Variants in ENTREP2 observed in about 807,000 individuals in gnomAD.
ENTREP2 encodes endosomal transmembrane epsin interactor 2.
the ENTREP2 span, chr15:29,269,878 G>A: frequency 1.7e-6 from 1 of 604,616 alleles, no homozygotes; most frequent in Non-Finnish European, 2.6e-6. Context: ...CGGTGCGCCT[G>A]CGCGGCTGCG....
the ENTREP2 span, among the ~76,000 whole-genome samples, chr15:29,209,646 G>A: frequency 6.6e-6 from 1 of 152,174 alleles, no homozygotes; most frequent in African/African-American, 2.4e-5. Flanking sequence ...AGGGATGGTG[G>A]AAGCAAAAGA....
the ENTREP2 span, among the ~76,000 whole-genome samples, chr15:29,341,843 A>C: frequency 6.6e-6 from 1 of 152,180 alleles, no homozygotes; most frequent in East Asian, 1.9e-4. Flanking sequence ...GTGGCGCTGG[A>C]CTACAGGATA....
At chr15:29,658,435 A>C in the ENTREP2 span, among the ~76,000 whole-genome samples, 15 of 152,202 alleles carry the variant, frequency 9.9e-5, no homozygotes, top group Non-Finnish European at 2.1e-4. Context: ...TAATTGACGA[A>C]TACAACTGGG....
the ENTREP2 span, among the ~76,000 whole-genome samples, chr15:29,535,073 C>T: frequency 6.6e-6 from 1 of 151,484 alleles, no homozygotes; most frequent in African/African-American, 2.4e-5. Flanking sequence ...AGGGAGACCT[C>T]GTCTCTATAA....
chr15:29,491,480 C>G, the ENTREP2 span, among the ~76,000 whole-genome samples: 8 of 152,294 alleles, frequency 5.3e-5, no homozygotes, highest in East Asian at 1.5e-3. Context: ...AACAAACCAT[C>G]AATTCTTTTG....
At chr15:29,563,878 T>C in the ENTREP2 span, among the ~76,000 whole-genome samples, 1 of 136,156 alleles carries the variant, frequency 7.3e-6, no homozygotes, top group Non-Finnish European at 1.6e-5. Flanking sequence ...TAAAATAAAG[T>C]TTCTGATTCA....
chr15:29,621,505 AGAGT>A, the ENTREP2 span, among the ~76,000 whole-genome samples: 2 of 129,732 alleles, frequency 1.5e-5, no homozygotes, highest in South Asian at 3.0e-4. Context: ...CCTGGGTGAC[AGAGT>A]GAGACTCTGT....
At chr15:29,227,401 G>T in the ENTREP2 span, among the ~76,000 whole-genome samples, 1 of 152,158 alleles carries the variant, frequency 6.6e-6, no homozygotes, top group Non-Finnish European at 1.5e-5. Flanking sequence ...TCTTAAAGGC[G>T]CCTGGAGTTT....
At chr15:29,139,312 CGT>C in the ENTREP2 span, among the ~76,000 whole-genome samples, 1 of 152,198 alleles carries the variant, frequency 6.6e-6, no homozygotes, top group Non-Finnish European at 1.5e-5. Context: ...CCCACGGCTG[CGT>C]GTGTTTAATT....
chr15:29,302,434 C>G, the ENTREP2 span, among the ~76,000 whole-genome samples: 1 of 152,158 alleles, frequency 6.6e-6, no homozygotes, highest in African/African-American at 2.4e-5. Flanking sequence ...GCAGCTCACT[C>G]ACACTGCAGC....
At chr15:29,136,833 G>T in the ENTREP2 span, among the ~76,000 whole-genome samples, 1 of 152,180 alleles carries the variant, frequency 6.6e-6, no homozygotes, top group Non-Finnish European at 1.5e-5. Flanking sequence ...ACTTAAGGCA[G>T]CAACACCTGT....
the ENTREP2 span, among the ~76,000 whole-genome samples, chr15:29,454,288 T>C: frequency 6.6e-6 from 1 of 152,238 alleles, no homozygotes; most frequent in East Asian, 1.9e-4. Flanking sequence ...TTGATGTTAA[T>C]GTTTTCTTAT....
At chr15:29,423,212 A>C in the ENTREP2 span, among the ~76,000 whole-genome samples, 2 of 152,194 alleles carry the variant, frequency 1.3e-5, no homozygotes, top group Admixed American at 1.3e-4. Flanking sequence ...CAGAATACAC[A>C]TTTAACATCT....
At chr15:29,544,022 T>C in the ENTREP2 span, among the ~76,000 whole-genome samples, 2 of 151,636 alleles carry the variant, frequency 1.3e-5, no homozygotes, top group African/African-American at 4.8e-5. Context: ...CTTTTATTTT[T>C]ATATTATATA....
the ENTREP2 span, among the ~76,000 whole-genome samples, chr15:29,633,924 A>T: frequency 6.6e-6 from 1 of 151,832 alleles, no homozygotes; most frequent in African/African-American, 2.4e-5. Flanking sequence ...GTGCCTCTGC[A>T]CTCCAGCCTG....
the ENTREP2 span, among the ~76,000 whole-genome samples, chr15:29,518,371 C>G: frequency 6.6e-6 from 1 of 152,116 alleles, no homozygotes; most frequent in Non-Finnish European, 1.5e-5. Context: ...TTCTGTATTG[C>G]TGGAATGTTT....
At chr15:29,662,585 T>C in the ENTREP2 span, among the ~76,000 whole-genome samples, 19 of 152,176 alleles carry the variant, frequency 1.2e-4, no homozygotes, top group Non-Finnish European at 5.9e-5. Context: ...CTCCCTCTTC[T>C]TCTCAGAAGC....
At chr15:29,449,479 C>T in the ENTREP2 span, among the ~76,000 whole-genome samples, 2 of 152,182 alleles carry the variant, frequency 1.3e-5, no homozygotes, top group African/African-American at 2.4e-5. Flanking sequence ...AATACCTACC[C>T]TTCTCTGCTT....
chr15:29,632,200 A>C, the ENTREP2 span, among the ~76,000 whole-genome samples: 2 of 151,922 alleles, frequency 1.3e-5, no homozygotes, highest in African/African-American at 4.8e-5. Context: ...CTCAGTCCTC[A>C]AGTCTTGAGT....
Sources: allele counts gnomAD v4.1 joint callset (sites outside exome capture counted in the v4.1 genomes callset), GRCh38; gene constraint gnomAD v4.1.1; transcripts MANE v1.5; gene names NCBI Gene and HGNC (gene_info 2026-07-23, HGNC 2026-07-21).